PHF21B: variants seen among roughly 807,000 people sequenced by gnomAD.
PHF21B encodes PHD finger protein 21B.
PHF21B carries 22 observed loss-of-function variants against 62.2 expected under a neutral mutation model. The observed-to-expected ratio is 0.35, with a 90% CI of 0.25 to 0.51. PHF21B has a LOEUF of 0.51. Among genes scored for constraint, PHF21B ranks in the 20% least tolerant of loss-of-function variants. The pLI, the probability that PHF21B is intolerant of heterozygous loss-of-function variation, is 0.97. For synonymous variants in PHF21B, 341 were observed against 314.7 expected (o/e 1.08, Z -0.88); for missense variants, 701 against 707.9 (o/e 0.99, Z 0.11).
chr22:44,975,420 A>C (rs1437295909), intron 2 of PHF21B, among the ~76,000 whole-genome samples: 9 of 152,142 alleles, frequency 5.9e-5, no homozygotes, highest in Non-Finnish European at 1.5e-5. Flanking sequence ...CAGCCAGCCT[A>C]GAAAGTGTAT....
At chr22:44,926,744 T>C (rs765407043) in intron 2 of PHF21B, among the ~76,000 whole-genome samples, 9 of 152,122 alleles carry the variant, frequency 5.9e-5, no homozygotes, top group Non-Finnish European at 1.0e-4. Flanking sequence ...GTGTGTTTTG[T>C]GTGTTGCTGC....
chr22:44,948,614 C>A (rs1416922095), intron 2 of PHF21B, among the ~76,000 whole-genome samples: 1 of 151,828 alleles, frequency 6.6e-6, no homozygotes, highest in East Asian at 1.9e-4. Flanking sequence ...TCGCTCGAAC[C>A]CGGGAGGCAG....
At position 44,883,078 on chromosome 22, in the gene PHF21B, C is replaced by T. The variant is rs1481409960; in HGVS notation, c.*8G>A. On this transcript the variant is annotated 3_prime_UTR_variant, in exon 13 of 13. Coordinates refer to ENST00000313237, the MANE Select transcript of PHF21B (RefSeq NM_138415.5). ...CTTTCCGTGGGTATGAAGACTGGTC[C>T]CTCGGGGTCAGTTGTGGCCCTGGGG... 5 of 1,604,438 alleles carry T rather than the reference C, an allele frequency of 3.1e-6. No individual in the cohort carries two copies. Among genetic ancestry groups the T allele is most frequent in the Middle Eastern group, 1.9e-4 (1 of 5,136 alleles).
intron 2 of PHF21B, among the ~76,000 whole-genome samples, chr22:44,959,160 G>A (rs1459373972): frequency 1.3e-5 from 2 of 152,086 alleles, no homozygotes; most frequent in East Asian, 3.9e-4. Context: ...AAGCTCCCCT[G>A]GCATGTCCTG....
chr22:44,916,657 C>G (rs1420092440), intron 3 of PHF21B, 27 bp from the exon 4 acceptor site: 4 of 1,589,890 alleles, frequency 2.5e-6, no homozygotes, highest in Non-Finnish European at 3.4e-6. Flanking sequence ...GGTATGTGGT[C>G]AGACAGGCAG....
At chr22:44,911,319 A>G (rs2071340149) in intron 5 of PHF21B, among the ~76,000 whole-genome samples, 1 of 151,840 alleles carries the variant, frequency 6.6e-6, no homozygotes, top group Admixed American at 6.5e-5. Flanking sequence ...ATAAGTAACG[A>G]GGAGTTACTT....
At chr22:44,912,317 T>A (rs554098500) in intron 5 of PHF21B, among the ~76,000 whole-genome samples, 1 of 152,134 alleles carries the variant, frequency 6.6e-6, no homozygotes, top group Non-Finnish European at 1.5e-5. Context: ...TTTTGAAATA[T>A]GAAGACATGA....
chr22:44,917,752 T>TGTCC (rs2071464788), intron 3 of PHF21B, among the ~76,000 whole-genome samples: 1 of 152,210 alleles, frequency 6.6e-6, no homozygotes, highest in African/African-American at 2.4e-5. Flanking sequence ...TCCCACCCTG[T>TGTCC]GTCCAGTGGT....
intron 2 of PHF21B, among the ~76,000 whole-genome samples, chr22:44,937,777 T>C (rs987560729): frequency 1.4e-4 from 22 of 152,108 alleles, no homozygotes; most frequent in Non-Finnish European, 2.6e-4. Flanking sequence ...ACGAATACTC[T>C]CGATGACACG....
intron 3 of PHF21B, among the ~76,000 whole-genome samples, chr22:44,919,203 TCTGGC>T (rs2071491656): frequency 2.2e-5 from 3 of 137,660 alleles, no homozygotes; most frequent in African/African-American, 9.0e-5. Flanking sequence ...AGTGTCTCTT[TCTGGC>T]ATGGCCCGAT....
rs190074837 is a variant in PHF21B at position 44,987,489 on chromosome 22, G to A, written c.120+21056C>T. Among the ~76,000 whole-genome samples, 249 of 152,306 alleles carry A rather than the reference G, an allele frequency of 1.6e-3. 1 individual carries two copies. The highest frequency in any genetic ancestry group is 5.6e-3 in the African/African-American group (233 of 41,560). On this transcript the variant is annotated intron_variant, in intron 2 of 12. Coordinates refer to ENST00000313237, the MANE Select transcript of PHF21B (RefSeq NM_138415.5). ...ACCTCATCTTGCATGTGAGCACACA[G>A]CGGTGCAAGGGTGCTTAATAACAGG...
intron 2 of PHF21B, among the ~76,000 whole-genome samples, chr22:44,950,500 A>G (rs2147388491): frequency 6.6e-6 from 1 of 152,354 alleles, no homozygotes; most frequent in East Asian, 1.9e-4. Flanking sequence ...TTAGACACTA[A>G]GAGTGACGCT....
chr22:44,998,248 T>C (rs921525814), intron 2 of PHF21B, among the ~76,000 whole-genome samples: 7 of 152,342 alleles, frequency 4.6e-5, no homozygotes, highest in Admixed American at 1.3e-4. Context: ...TGAGGGTCCT[T>C]TCTTGGCAGT....
At chr22:44,950,100 G>A (rs1005096610) in intron 2 of PHF21B, among the ~76,000 whole-genome samples, 5 of 152,170 alleles carry the variant, frequency 3.3e-5, no homozygotes, top group Admixed American at 6.5e-5. Context: ...AACATAAAGT[G>A]ATCAATTCAC....
intron 12 of PHF21B, among the ~76,000 whole-genome samples, chr22:44,884,765 C>T (rs1238279552): frequency 7.5e-5 from 3 of 39,834 alleles, no homozygotes; most frequent in East Asian, 8.1e-4. Context: ...CCATCATTAC[C>T]ACCATCACCA....
chr22:44,905,927 C>A (rs140905417), intron 5 of PHF21B, among the ~76,000 whole-genome samples: 1 of 152,250 alleles, frequency 6.6e-6, no homozygotes, highest in African/African-American at 2.4e-5. Flanking sequence ...CTCTCCCTCA[C>A]GCTTACCCTT....
chr22:44,932,335 C>T (rs1260835849), intron 2 of PHF21B, among the ~76,000 whole-genome samples: 1 of 152,186 alleles, frequency 6.6e-6, no homozygotes, highest in African/African-American at 2.4e-5. Flanking sequence ...TTACTCGTCC[C>T]TGTGTCACAG....
At chr22:44,906,650 C>T (rs1047847961) in intron 5 of PHF21B, among the ~76,000 whole-genome samples, 1 of 152,210 alleles carries the variant, frequency 6.6e-6, no homozygotes, top group Admixed American at 6.5e-5. Context: ...CGCCCTGGGT[C>T]GGGAGCCAGA....
At chr22:44,964,058 C>T (rs565908021) in intron 2 of PHF21B, among the ~76,000 whole-genome samples, 136 of 152,322 alleles carry the variant, frequency 8.9e-4, no homozygotes, top group African/African-American at 2.8e-3. Flanking sequence ...CTGGAAGCCT[C>T]GGCTTCCTTC....
Sources: allele counts gnomAD v4.1 joint callset (sites outside exome capture counted in the v4.1 genomes callset), GRCh38; gene constraint gnomAD v4.1.1; transcripts MANE v1.5; gene names NCBI Gene and HGNC (gene_info 2026-07-23, HGNC 2026-07-21).